The following MBP variants were observed in gnomAD, a reference collection of about 807,000 sequenced individuals.
The protein encoded by MBP is Golli-MBP.
In MBP, 16 loss-of-function variants were observed where a neutral mutation model predicts 35.8. The ratio of observed to expected loss-of-function variants is 0.45; its 90% CI spans 0.30 to 0.68. The LOEUF (loss-of-function observed/expected upper bound fraction) is 0.68. MBP is among the 30% of genes least tolerant of loss of function. The pLI is 0.08. For synonymous variants in MBP, 143 were observed against 159.6 expected (o/e 0.90, Z 0.78); for missense variants, 380 against 404.7 (o/e 0.94, Z 0.52).
At chr18:77,016,656 C>G in intron 4 of MBP, 176 bp downstream of exon 4, 3 of 1,425,734 alleles carry the variant, frequency 2.1e-6, no homozygotes, top group African/African-American at 1.4e-5. Context: ...CGAAAACGTC[C>G]TAAGCAGCCA....
Position 77,014,746 on chromosome 18 carries a change from C to T in MBP, c.576+2086G>A, listed in dbSNP as rs376335561. 4.1e-4 allele frequency: 407 copies of T among 985,370 alleles called. 2 individuals carry two copies. The African/African-American group carries it at 5.7e-3, about 14-fold the overall frequency. 61.0% of individuals were successfully genotyped at this position (985,370 alleles called of 1,614,324 possible). ...GAGTGGAGCAATCACATCCCCACTG[C>T]GTGCGCTCCCCCGGGATGCCTCACA... On this transcript the variant is annotated intron_variant, in intron 4 of 8. Transcript: ENST00000355994.
At chr18:77,023,791 T>G (rs565025343) in intron 3 of MBP, among the ~76,000 whole-genome samples, 75 of 152,290 alleles carry the variant, frequency 4.9e-4, no homozygotes, top group African/African-American at 1.7e-3. Context: ...GACACCCTTC[T>G]CCGAGTGCGT....
At chr18:77,013,921 G>A (rs1971484196) in intron 4 of MBP, 1 of 985,272 alleles carries the variant, frequency 1.0e-6, no homozygotes, top group South Asian at 4.7e-5. Flanking sequence ...CACTCAAGTG[G>A]CCTCAGATAT....
At chr18:77,124,058 C>T (rs1976967453) in intron 1 of MBP, among the ~76,000 whole-genome samples, 2 of 152,166 alleles carry the variant, frequency 1.3e-5, no homozygotes, top group African/African-American at 4.8e-5. Context: ...CACCTTCCTA[C>T]CTGGAAGGAG....
intron 2 of MBP, among the ~76,000 whole-genome samples, chr18:77,083,632 A>G (rs1466452424): frequency 6.6e-6 from 1 of 152,250 alleles, no homozygotes; most frequent in African/African-American, 2.4e-5. Flanking sequence ...GTATATCTAT[A>G]CAATGGAATA....
chr18:77,029,788 A>T (rs1340642836), intron 3 of MBP, among the ~76,000 whole-genome samples: 1 of 119,174 alleles, frequency 8.4e-6, no homozygotes, highest in African/African-American at 2.6e-5. Context: ...ACACACACAC[A>T]CACAAACACA....
At position 77,107,452 on chromosome 18, in the gene MBP, C is replaced by T. The variant is rs149172873; in HGVS notation, c.-25-2166G>A. ...CCCACCTCCTTATGCTGGGACTAGG[C>T]AAACACAAATGCAACACTCACTCCT... On this transcript the variant is annotated intron_variant, in intron 1 of 8. Transcript: ENST00000355994. Among the ~76,000 whole-genome samples the T allele has an allele frequency of 2.5e-3, 386 of 152,296 alleles. 17 individuals are homozygous for T. The South Asian group carries it at 0.06, about 24-fold the overall frequency.
intron 1 of MBP, among the ~76,000 whole-genome samples, chr18:77,110,739 A>T (rs1036147198): frequency 2.0e-5 from 3 of 152,192 alleles, no homozygotes; most frequent in Non-Finnish European, 2.9e-5. Flanking sequence ...CAGATAAATT[A>T]GATAAGATTT....
rs77816642 is a variant in MBP, at chr18:77,025,847, C to T, written c.140-8579G>A. Among the ~76,000 whole-genome samples, 226 of 152,240 alleles carry T rather than the reference C, an allele frequency of 1.5e-3. 1 individual carries two copies. Among genetic ancestry groups the T allele is most frequent in the African/African-American group, 5.3e-3 (221 of 41,558 alleles). On this transcript the variant is annotated intron_variant, in intron 3 of 8. Coordinates refer to ENST00000355994, the MANE Select transcript of MBP (RefSeq NM_001025101.2). ...CATCTGGGTTCCCAGGCACACCCCA[C>T]ACCCTGAGTAAACCAGGACGGACAG...
intron 4 of MBP, among the ~76,000 whole-genome samples, chr18:76,993,889 G>T (rs973616549): frequency 1.3e-5 from 2 of 152,200 alleles, no homozygotes; most frequent in Non-Finnish European, 2.9e-5. Flanking sequence ...TGTCAGAAGG[G>T]CCAGGAACAT....
At chr18:77,071,883 G>C (rs1001480624) in intron 2 of MBP, among the ~76,000 whole-genome samples, 2 of 152,164 alleles carry the variant, frequency 1.3e-5, no homozygotes, top group African/African-American at 4.8e-5. Context: ...CGTAGGAAGT[G>C]CACCGTGTTT....
In MBP at chr18:76,988,126, C is replaced by T. The variant is rs560864845; in HGVS notation, c.750+369G>A. ...GGCCAGCCAGTCCCACTTCCACATG[C>T]GGGTTCCTGGGGCTTCTCGCACTGG... On this transcript the variant is annotated intron_variant, in intron 7 of 8. Transcript: ENST00000355994. The surrounding 1 kb of genome is among the most constrained non-coding windows in gnomAD (Gnocchi z 5.2). 39 of 1,521,932 alleles carry T rather than the reference C, an allele frequency of 2.6e-5. 1 individual carries two copies. The highest frequency in any genetic ancestry group is 2.4e-4 in the South Asian group (20 of 82,270). The allele number at this position is 1,521,932 out of a possible 1,614,324, so 94.3% of individuals were successfully genotyped here. A position where few individuals can be genotyped will look rare whatever the true frequency, so the allele number is the denominator to read the frequency against.
rs1320893549 is a variant in MBP at position 77,093,979 on chromosome 18, TTC to T, written c.51+11230_51+11231del. Among the ~76,000 whole-genome samples the T allele has an allele frequency of 4.9e-4, 48 of 98,784 alleles. No individual in the cohort carries two copies. In the East Asian group the frequency reaches 0.021, roughly 43 times the overall value. 64.8% of individuals were successfully genotyped at this position (98,784 alleles called of 152,430 possible). A position where few individuals can be genotyped will look rare whatever the true frequency, so the allele number is the denominator to read the frequency against. On this transcript the variant is annotated intron_variant, in intron 2 of 8. Transcript: ENST00000355994. ...CGGGTTTTTAAAGGGTCTTTTTTTC[TTC>T]TTTTTTTTTTTTTGACACGGAGTCT...
At chr18:77,014,241 C>T (rs1971500892) in intron 4 of MBP, 5 of 985,418 alleles carry the variant, frequency 5.1e-6, no homozygotes, top group African/African-American at 1.7e-5. Context: ...TAGGGCATTC[C>T]CGGGCTCGGG....
At chr18:77,054,370 AG>A (rs1973638380) in intron 3 of MBP, among the ~76,000 whole-genome samples, 1 of 152,198 alleles carries the variant, frequency 6.6e-6, no homozygotes, top group Non-Finnish European at 1.5e-5. Flanking sequence ...CTTAAGGAGG[AG>A]GGCAGAGCTT....
Position 77,016,812 on chromosome 18 carries a change from C to T in MBP, c.576+20G>A. On this transcript the variant is annotated intron_variant, in intron 4 of 8. Transcript: ENST00000355994. ...GCTTTTTCCATTTAAACTAAAACTC[C>T]TCTACTCCTCAGAGCTCACCTTGCC... is the stretch of plus-strand genomic sequence containing the variant. 1.2e-6 allele frequency: 2 copies of T among 1,612,470 alleles called. No individual in the cohort carries two copies. Among genetic ancestry groups the T allele is most frequent in the South Asian group, 2.2e-5 (2 of 91,054 alleles).
intron 4 of MBP, among the ~76,000 whole-genome samples, chr18:77,007,496 C>T (rs1215698091): frequency 1.3e-5 from 2 of 152,198 alleles, no homozygotes; most frequent in African/African-American, 4.8e-5. Context: ...GAAGTTGAGG[C>T]CTCTAGCACG....
At chr18:77,025,587 G>A (rs1332091967) in intron 3 of MBP, among the ~76,000 whole-genome samples, 1 of 151,916 alleles carries the variant, frequency 6.6e-6, no homozygotes, top group African/African-American at 2.4e-5. Context: ...GGCTTGTTTA[G>A]GAAACTGTCC....
At chr18:77,119,672 G>A (rs1160210448) in intron 1 of MBP, among the ~76,000 whole-genome samples, 1 of 152,188 alleles carries the variant, frequency 6.6e-6, no homozygotes, top group Admixed American at 6.5e-5. Flanking sequence ...GCCCCAGGGA[G>A]CCGAGAGCAG....
Sources: allele counts gnomAD v4.1 joint callset (sites outside exome capture counted in the v4.1 genomes callset), GRCh38; gene constraint gnomAD v4.1.1; non-coding constraint Gnocchi (gnomAD v3.1); transcripts MANE v1.5; gene names NCBI Gene and HGNC (gene_info 2026-07-23, HGNC 2026-07-21).